The following ASAP2 variants were observed in gnomAD, a reference collection of about 807,000 sequenced individuals.
ASAP2 encodes arf-GAP with SH3 domain, ANK repeat and PH domain-containing protein 2.
In ASAP2, 45 loss-of-function variants were observed where a neutral mutation model predicts 131.4. The observed-to-expected ratio is 0.34, with a 90% CI of 0.27 to 0.44. The LOEUF is 0.44. Ranked by LOEUF, ASAP2 falls within the 20% of genes least tolerant of loss-of-function variation. ASAP2 has a pLI of 1.00. For synonymous variants in ASAP2, 510 were observed against 503.0 expected (o/e 1.01, Z -0.19); for missense variants, 1,011 against 1,297.0 (o/e 0.78, Z 3.39).
At chr2:9,367,817 T>TA (rs1347506768) in intron 15 of ASAP2, among the ~76,000 whole-genome samples, 1 of 152,234 alleles carries the variant, frequency 6.6e-6, no homozygotes, top group African/African-American at 2.4e-5. Flanking sequence ...GATTGGCAAG[T>TA]AAAGACCTTA....
intron 5 of ASAP2, among the ~76,000 whole-genome samples, chr2:9,320,599 G>C: frequency 6.6e-6 from 1 of 152,218 alleles, no homozygotes; most frequent in East Asian, 1.9e-4. Context: ...ATTGAGGGAA[G>C]TTAAGACCAA....
At chr2:9,351,006 C>G in intron 12 of ASAP2, 111 bp downstream of exon 12, 2 of 805,808 alleles carry the variant, frequency 2.5e-6, no homozygotes, top group Non-Finnish European at 3.7e-6. Context: ...TTTGAAGAGA[C>G]ATACCCTTTT....
chr2:9,317,435 C>CAT (rs569929884), intron 3 of ASAP2, among the ~76,000 whole-genome samples: 82 of 3,152 alleles, frequency 0.026, no homozygotes, highest in Non-Finnish European at 0.11. Context: ...CCTACACATA[C>CAT]TCACATTCTC....
At chr2:9,363,531 A>G (rs1408916180) in intron 15 of ASAP2, among the ~76,000 whole-genome samples, 6 of 152,168 alleles carry the variant, frequency 3.9e-5, no homozygotes, top group Non-Finnish European at 8.8e-5. Context: ...GATGATTTGT[A>G]TGATTAATGC....
intron 3 of ASAP2, among the ~76,000 whole-genome samples, chr2:9,317,554 ACAAT>A (rs1358048959): frequency 1.6e-5 from 2 of 122,302 alleles, no homozygotes; most frequent in African/African-American, 3.1e-5. Context: ...TCTCACATCC[ACAAT>A]CACACTCTCA....
rs1675682692 is a variant in ASAP2 at position 9,391,108 on chromosome 2, A to G, written c.2430A>G (p.Val810=). The G allele has an allele frequency of 5.6e-6, 9 of 1,614,232 alleles. No individual in the cohort carries two copies. Among genetic ancestry groups the G allele is most frequent in the Non-Finnish European group, 7.6e-6 (9 of 1,180,020 alleles). Reference sequence around the variant, plus strand: ...ACACCCTGTGGAAGACAAACTCTGTAAGTGTGGACGGTGGAAGCCGGCAGC... The same window carrying G: ...ACACCCTGTGGAAGACAAACTCTGTGAGTGTGGACGGTGGAAGCCGGCAGC... ...SANTLWKTNS[V]SVDGGSRQRS... Residue 810 remains valine, a synonymous_variant, in exon 23 of 28, where the codon GTA becomes GTG. Coordinates refer to ENST00000281419, the MANE Select transcript of ASAP2 (RefSeq NM_003887.3).
At chr2:9,337,480 G>A (rs1012438105) in intron 9 of ASAP2, among the ~76,000 whole-genome samples, 3 of 152,146 alleles carry the variant, frequency 2.0e-5, no homozygotes, top group African/African-American at 7.2e-5. Flanking sequence ...TTTCTTCTGT[G>A]ACTTAGACAA....
At chr2:9,377,187 CTT>C (rs1416660766) in intron 18 of ASAP2, among the ~76,000 whole-genome samples, 194 bp downstream of exon 18, 1 of 152,198 alleles carries the variant, frequency 6.6e-6, no homozygotes, top group Non-Finnish European at 1.5e-5. Context: ...ACTAGAAACT[CTT>C]TTGTGGTAAT....
At chr2:9,264,196 AAT>A (rs1465359829) in intron 1 of ASAP2, among the ~76,000 whole-genome samples, 1 of 69,308 alleles carries the variant, frequency 1.4e-5, no homozygotes, top group African/African-American at 7.3e-5. Flanking sequence ...GTCTCAAAAA[AAT>A]AATAATAATA....
chr2:9,328,359 AT>A (rs1401977922), intron 7 of ASAP2, among the ~76,000 whole-genome samples: 1 of 152,232 alleles, frequency 6.6e-6, no homozygotes, highest in Non-Finnish European at 1.5e-5. Flanking sequence ...TTATATCTTA[AT>A]TAAAAATAAA....
rs774423539 is a variant in ASAP2 at position 9,208,411 on chromosome 2, GTT to G, written c.126+1195_126+1196del. ...GCAATGGCGTTATTTTTTTTTTCTG[GTT>G]TTTTTTTTTTTTTCCCATTTGAACA... On this transcript the variant is annotated intron_variant, in intron 1 of 27. Coordinates refer to ENST00000281419, the MANE Select transcript of ASAP2 (RefSeq NM_003887.3). Among the ~76,000 whole-genome samples the G allele has an allele frequency of 4.3e-3, 554 of 130,240 alleles. 5 individuals carry two copies. Among genetic ancestry groups the G allele is most frequent in the African/African-American group, 0.015 (518 of 34,536 alleles). The allele number at this position is 130,240 out of a possible 152,430, so 85.4% of individuals were successfully genotyped here.
chr2:9,297,179 T>C, intron 2 of ASAP2, 121 bp from the exon 3 acceptor site: 1 of 1,264,304 alleles, frequency 7.9e-7, no homozygotes, highest in Middle Eastern at 2.8e-4. Context: ...TGGTGCAGCT[T>C]GACTTTTCTC....
At chr2:9,382,828 C>T (rs1327495287) in intron 20 of ASAP2, among the ~76,000 whole-genome samples, 2 of 152,220 alleles carry the variant, frequency 1.3e-5, no homozygotes, top group African/African-American at 2.4e-5. Context: ...CAATTGTAGT[C>T]GCCTGACAGG....
chr2:9,304,716 G>A (rs1362305709), intron 3 of ASAP2, among the ~76,000 whole-genome samples: 2 of 149,436 alleles, frequency 1.3e-5, no homozygotes, highest in Non-Finnish European at 1.5e-5. Flanking sequence ...ATTGGTGGAG[G>A]GGCTGGACTA....
At chr2:9,387,974 C>G (rs1220759218) in intron 21 of ASAP2, among the ~76,000 whole-genome samples, 1 of 152,216 alleles carries the variant, frequency 6.6e-6, no homozygotes, top group African/African-American at 2.4e-5. Flanking sequence ...ATCCCAAGAA[C>G]AGCAGAGGGG....
chr2:9,293,967 C>G (rs567284143), intron 2 of ASAP2, among the ~76,000 whole-genome samples: 1 of 151,178 alleles, frequency 6.6e-6, no homozygotes, highest in African/African-American at 2.4e-5. Flanking sequence ...GGGATCAATA[C>G]ATCGTTTAGA....
chr2:9,212,677 T>C (rs1661664104), intron 1 of ASAP2, among the ~76,000 whole-genome samples: 1 of 152,154 alleles, frequency 6.6e-6, no homozygotes, highest in Admixed American at 6.5e-5. Context: ...AGGCCCGCAC[T>C]GTCTGATGAG....
intron 1 of ASAP2, among the ~76,000 whole-genome samples, chr2:9,278,741 AC>A (rs35276607): frequency 6.6e-6 from 1 of 152,168 alleles, no homozygotes; most frequent in Non-Finnish European, 1.5e-5. Context: ...TAATTATTCA[AC>A]CCTGCAAAGT....
At chr2:9,358,937 G>A in intron 15 of ASAP2, 48 bp downstream of exon 15, 1 of 1,564,226 alleles carries the variant, frequency 6.4e-7, no homozygotes, top group Non-Finnish European at 8.7e-7. Context: ...TGAGCTGTAA[G>A]CTAAATTTTA....
Sources: allele counts gnomAD v4.1 joint callset (sites outside exome capture counted in the v4.1 genomes callset), GRCh38; gene constraint gnomAD v4.1.1; transcripts MANE v1.5; gene names NCBI Gene and HGNC (gene_info 2026-07-23, HGNC 2026-07-21).